Variants in CR1L observed in about 807,000 individuals in gnomAD.
CR1L encodes the protein complement C3b/C4b receptor 1 like.
Under a neutral mutation model 62.3 loss-of-function variants are expected in CR1L, and 59 were observed. The observed-to-expected ratio is 0.95, with a 90% CI of 0.77 to 1.18. The LOEUF is 1.18. Ranked by LOEUF, CR1L falls within the 50% of genes most tolerant of loss-of-function variation. The pLI, the probability that CR1L is intolerant of heterozygous loss-of-function variation, is 0.00. For synonymous variants in CR1L, 279 were observed against 248.7 expected, an observed-to-expected ratio of 1.12 and a Z score of -1.15; for missense variants, 700 against 702.8, an observed-to-expected ratio of 1.00 and a Z score of 0.04.
chr1:207,682,188 A>G (rs1663810599), intron 3 of CR1L, among the ~76,000 whole-genome samples: 1 of 152,084 alleles, frequency 6.6e-6, no homozygotes, highest in South Asian at 2.1e-4. Flanking sequence ...AAACAAAATG[A>G]GTCCAGGCGC....
chr1:207,657,340 CCTT>C, intron 1 of CR1L: 2 of 895,798 alleles, frequency 2.2e-6, no homozygotes, highest in Admixed American at 1.8e-5. Flanking sequence ...CAATTTATTT[CCTT>C]CTTCATCTGT....
At chr1:207,661,397 A>C (rs1426727445) in intron 1 of CR1L, among the ~76,000 whole-genome samples, 1 of 152,160 alleles carries the variant, frequency 6.6e-6, no homozygotes, top group Non-Finnish European at 1.5e-5. Context: ...ATCATTATGT[A>C]ATGGTCTTCT....
At chr1:207,682,874 T>C (rs1355546781) in intron 3 of CR1L, among the ~76,000 whole-genome samples, 5 of 152,214 alleles carry the variant, frequency 3.3e-5, no homozygotes, top group Non-Finnish European at 7.4e-5. Context: ...TAATTGAGAA[T>C]TGCTAACTTT....
At chr1:207,711,509 G>A (rs150930928) in intron 10 of CR1L, 3 of 152,952 alleles carry the variant, frequency 2.0e-5, no homozygotes, top group African/African-American at 7.2e-5. Context: ...CATCAGCACT[G>A]TGACAGTTTA....
chr1:207,679,728 T>C (rs1663765302), intron 3 of CR1L, among the ~76,000 whole-genome samples: 1 of 152,186 alleles, frequency 6.6e-6, no homozygotes. Context: ...GGATAAACTG[T>C]GGTACATGCA....
At chr1:207,678,951 C>G (rs1663749838) in intron 3 of CR1L, among the ~76,000 whole-genome samples, 1 of 151,794 alleles carries the variant, frequency 6.6e-6, no homozygotes, top group Non-Finnish European at 1.5e-5. Context: ...GGGTCTCTGT[C>G]CTCCTATGCT....
At chr1:207,645,714 C>G (rs1448667910) in intron 1 of CR1L, among the ~76,000 whole-genome samples, 2 of 152,132 alleles carry the variant, frequency 1.3e-5, no homozygotes, top group East Asian at 3.9e-4. Flanking sequence ...GTGCTGTGCC[C>G]GTGGTGAGAG....
intron 1 of CR1L, among the ~76,000 whole-genome samples, chr1:207,651,744 C>T (rs1462771224): frequency 6.6e-6 from 1 of 152,016 alleles, no homozygotes; most frequent in Non-Finnish European, 1.5e-5. Context: ...GCTGGATAAA[C>T]AATCCAACAG....
intron 9 of CR1L, among the ~76,000 whole-genome samples, chr1:207,706,377 C>CA (rs1183972107): frequency 6.6e-6 from 1 of 151,798 alleles, no homozygotes; most frequent in Non-Finnish European, 1.5e-5. Flanking sequence ...GCCGTGATGG[C>CA]ACCCCTGCAC....
chr1:207,714,554 G>A (rs372875313), intron 10 of CR1L, among the ~76,000 whole-genome samples: 11 of 152,074 alleles, frequency 7.2e-5, no homozygotes, highest in African/African-American at 1.9e-4. Flanking sequence ...GGTATTATTC[G>A]TTGCTTATGT....
chr1:207,663,832 C>T (rs4317806), intron 1 of CR1L, among the ~76,000 whole-genome samples: 71,985 of 152,028 alleles, frequency 0.47, 17,583 homozygotes, highest in African/African-American at 0.59. Flanking sequence ...TTTGTTCCTA[C>T]TGCAGGACTC....
intron 1 of CR1L, among the ~76,000 whole-genome samples, chr1:207,666,594 C>T (rs745850612): frequency 1.3e-5 from 2 of 152,082 alleles, no homozygotes; most frequent in East Asian, 1.9e-4. Flanking sequence ...TGCAAACTAA[C>T]GCAGGAACAG....
chr1:207,717,780 G>C, intron 11 of CR1L, 89 bp downstream of exon 11: 1 of 1,511,618 alleles, frequency 6.6e-7, no homozygotes, highest in Non-Finnish European at 9.0e-7. Flanking sequence ...ATTTTTGCTT[G>C]TGAAAATGGC....
intron 1 of CR1L, 124 bp from the exon 2 acceptor site, chr1:207,677,265 A>C: frequency 2.1e-6 from 2 of 949,282 alleles, no homozygotes; most frequent in Non-Finnish European, 2.9e-6. Context: ...AGAGGATCGC[A>C]CCACTGCACT....
chr1:207,681,750 C>T (rs10746386), intron 3 of CR1L, among the ~76,000 whole-genome samples: 55,377 of 152,026 alleles, frequency 0.36, 10,245 homozygotes, highest in Non-Finnish European at 0.4. Context: ...TCAGTGGGGT[C>T]AAAAGCCAGA....
At chr1:207,710,032 A>C (rs1189321667) in intron 10 of CR1L, among the ~76,000 whole-genome samples, 1 of 152,116 alleles carries the variant, frequency 6.6e-6, no homozygotes, top group Non-Finnish European at 1.5e-5. Context: ...TATTAGCATA[A>C]TTTACAATAA....
intron 5 of CR1L, among the ~76,000 whole-genome samples, chr1:207,696,774 C>T (rs534178006): frequency 6.6e-6 from 1 of 152,332 alleles, no homozygotes; most frequent in African/African-American, 2.4e-5. Flanking sequence ...GTTCTGACTT[C>T]CTGAGTTCCG....
intron 1 of CR1L, among the ~76,000 whole-genome samples, chr1:207,664,463 A>G (rs1372910235): frequency 1.3e-5 from 2 of 152,184 alleles, no homozygotes; most frequent in East Asian, 3.8e-4. Flanking sequence ...TAGCCTCCTT[A>G]GTTGAGTCCT....
At position 207,657,104 on chromosome 1, in the gene CR1L, C is replaced by A. The variant is rs1173225694; in HGVS notation, c.97+11774C>A. The A allele has an allele frequency of 1.6e-5, 11 of 675,208 alleles. No homozygotes were observed. In the East Asian group the frequency reaches 2.9e-4, roughly 18 times the overall value. 41.8% of individuals were successfully genotyped at this position (675,208 alleles called of 1,614,324 possible). On this transcript the variant is annotated intron_variant, in intron 1 of 11. Coordinates refer to ENST00000508064, the MANE Select transcript of CR1L (RefSeq NM_175710.2). ...CCTTAATCTTTTACATTTCTTTCCTCTTTTTCTTCAATTTTAAGAGATTTT... is the reference window on the plus strand; with the variant it reads ...CCTTAATCTTTTACATTTCTTTCCTATTTTTCTTCAATTTTAAGAGATTTT...
Sources: allele counts gnomAD v4.1 joint callset (sites outside exome capture counted in the v4.1 genomes callset), GRCh38; gene constraint gnomAD v4.1.1; transcripts MANE v1.5; gene names NCBI Gene and HGNC (gene_info 2026-07-23, HGNC 2026-07-21).